CSNK2A1: variants seen among roughly 807,000 people sequenced by gnomAD.
The protein encoded by CSNK2A1 is casein kinase II subunit alpha.
A neutral mutation model predicts 62.9 loss-of-function variants in CSNK2A1; 10 were observed. The ratio of observed to expected loss-of-function variants is 0.16; its 90% CI spans 0.10 to 0.27. The LOEUF (loss-of-function observed/expected upper bound fraction) is 0.27. CSNK2A1 is among the 10% of genes least tolerant of loss of function. CSNK2A1 has a pLI of 1.00. For synonymous variants in CSNK2A1, 124 were observed against 167.8 expected (o/e 0.74, Z 2.02); for missense variants, 160 against 492.0 (o/e 0.33, Z 6.38).
intron 1 of CSNK2A1, among the ~76,000 whole-genome samples, chr20:535,482 G>A (rs534741495): frequency 3.7e-4 from 57 of 152,162 alleles, no homozygotes; most frequent in Non-Finnish European, 6.2e-4. Flanking sequence ...CTGGCCGGGC[G>A]CGGTGGCTCA....
chr20:508,367 G>C, intron 3 of CSNK2A1, 84 bp downstream of exon 3: 5 of 1,460,138 alleles, frequency 3.4e-6, no homozygotes, highest in Non-Finnish European at 4.7e-6. Context: ...CAGAGTCACG[G>C]AGGTTTTCTG....
chr20:538,036 A>G (rs1031839056), intron 1 of CSNK2A1, among the ~76,000 whole-genome samples: 1 of 147,486 alleles, frequency 6.8e-6, no homozygotes, highest in African/African-American at 2.6e-5. Flanking sequence ...ATCTTGACTC[A>G]CTGCAACCAA....
At position 499,411 on chromosome 20, in the gene CSNK2A1, C is replaced by T. The variant is rs1162732932; in HGVS notation, c.316-106G>A. ...GCGTGGTGAAATTTGGCAGTCCTCG[C>T]CTCAGTAGTAAGAAACCCTCTATTG... On this transcript the variant is annotated intron_variant, in intron 5 of 13. Coordinates refer to ENST00000217244, the MANE Select transcript of CSNK2A1 (RefSeq NM_177559.3). This position sits in a 1 kb window ranked among gnomAD's most constrained non-coding sequence, Gnocchi z 4.2. 6.9e-6 allele frequency: 7 copies of T among 1,008,690 alleles called. No individual in the cohort carries two copies. Among genetic ancestry groups the T allele is most frequent in the African/African-American group, 1.6e-5 (1 of 61,920 alleles). 62.5% of individuals were successfully genotyped at this position (1,008,690 alleles called of 1,614,324 possible). A position where few individuals can be genotyped will look rare whatever the true frequency, so the allele number is the denominator to read the frequency against.
chr20:497,705 T>C lies in CSNK2A1; in HGVS notation c.426+16A>G. ...AGACCAATTTAAAAAATATTTAGTA[T>C]TCAAGGTTCACTTACCTTCAGAATC... is the stretch of plus-strand genomic sequence containing the variant. On this transcript the variant is annotated intron_variant, in intron 7 of 13. Transcript: ENST00000217244. 6.3e-7 allele frequency: 1 copy of C among 1,592,778 alleles called. No individual in the cohort carries two copies. Among genetic ancestry groups the C allele is most frequent in the Non-Finnish European group, 8.6e-7 (1 of 1,162,566 alleles).
At chr20:490,353 G>GTTTTTTTTTTTT (rs373775413) in intron 9 of CSNK2A1, among the ~76,000 whole-genome samples, 23 of 53,492 alleles carry the variant, frequency 4.3e-4, no homozygotes, top group African/African-American at 2.1e-3. Context: ...TTTTTTTTTA[G>GTTTTTTTTTTTT]TTTTTTTTTT....
At position 543,705 on chromosome 20, in the gene CSNK2A1, T is replaced by C. The variant is rs1230839087; in HGVS notation, c.-260A>G. 5.0e-6 allele frequency: 2 copies of C among 398,256 alleles called. No individual in the cohort carries two copies. The highest frequency in any genetic ancestry group is 8.8e-6 in the Non-Finnish European group (2 of 226,044). 24.7% of individuals were successfully genotyped at this position (398,256 alleles called of 1,614,324 possible). On this transcript the variant is annotated 5_prime_UTR_variant, in exon 1 of 14. Coordinates refer to ENST00000217244, the MANE Select transcript of CSNK2A1 (RefSeq NM_177559.3). ...GAAGCGGCAGCGGCGGCGGCCGCTC[T>C]CCCCTCTGCTCACACAGACAATATG... is the stretch of plus-strand genomic sequence containing the variant.
Position 487,381 on chromosome 20 carries a change from G to T in CSNK2A1, c.973+46C>A, listed in dbSNP as rs780812853. On this transcript the variant is annotated intron_variant, in intron 12 of 13. Coordinates refer to ENST00000217244, the MANE Select transcript of CSNK2A1 (RefSeq NM_177559.3). ...CTGGGATTACGACTCTGTTCTATAG[G>T]ACTCTGCGCCTGCACAAACTCTGTG... 5 of 1,611,904 alleles carry T rather than the reference G, an allele frequency of 3.1e-6. No individual in the cohort carries two copies. In the South Asian group the frequency reaches 5.5e-5, roughly 18 times the overall value.
intron 1 of CSNK2A1, among the ~76,000 whole-genome samples, chr20:542,557 C>T (rs1306326156): frequency 6.6e-6 from 1 of 152,140 alleles, no homozygotes; most frequent in Non-Finnish European, 1.5e-5. Flanking sequence ...CTTAGCCTCC[C>T]GAGTAGCTGG....
In CSNK2A1 at chr20:478,532, A is replaced by G; in HGVS notation, c.*5429T>C. The G allele has an allele frequency of 3.7e-6, 1 of 267,244 alleles. No individual in the cohort carries two copies. Among genetic ancestry groups the G allele is most frequent in the African/African-American group, 2.4e-5 (1 of 42,368 alleles). The allele number at this position is 267,244 out of a possible 1,614,324, so 16.6% of individuals were successfully genotyped here. A position where few individuals can be genotyped will look rare whatever the true frequency, so the allele number is the denominator to read the frequency against. On this transcript the variant is annotated 3_prime_UTR_variant, in exon 14 of 14. Transcript: ENST00000217244. Reference sequence around the variant, plus strand: ...ATGCAAGAGTGAAGCTGACTCAGAAATACTCAATCCCCCCAGGAACTTCTC... The same window carrying G: ...ATGCAAGAGTGAAGCTGACTCAGAAGTACTCAATCCCCCCAGGAACTTCTC...
At chr20:514,797 A>G (rs2018795287) in intron 2 of CSNK2A1, among the ~76,000 whole-genome samples, 1 of 152,200 alleles carries the variant, frequency 6.6e-6, no homozygotes, top group Non-Finnish European at 1.5e-5. Context: ...CTGCAAATGC[A>G]TATGTATATC....
At chr20:529,324 C>G (rs59914992) in intron 1 of CSNK2A1, among the ~76,000 whole-genome samples, 1,719 of 152,242 alleles carry the variant, frequency 0.011, 33 homozygotes, top group African/African-American at 0.04. Flanking sequence ...TTGCACCCAG[C>G]CATGTTTTAA....
chr20:519,378 A>C (rs1214188929), intron 2 of CSNK2A1, among the ~76,000 whole-genome samples: 1 of 152,268 alleles, frequency 6.6e-6, no homozygotes, highest in African/African-American at 2.4e-5. Context: ...GATCAATAAA[A>C]AGAAATCCAA....
At chr20:524,603 G>T (rs1418381555) in intron 2 of CSNK2A1, among the ~76,000 whole-genome samples, 8 of 144,258 alleles carry the variant, frequency 5.5e-5, no homozygotes, top group African/African-American at 1.4e-4. Context: ...GGTGGCGGGT[G>T]CCTATAATCC....
intron 9 of CSNK2A1, 56 bp downstream of exon 9, chr20:492,197 TA>T: frequency 6.9e-7 from 1 of 1,452,518 alleles, no homozygotes; most frequent in Non-Finnish European, 9.5e-7. Context: ...TTTTTTTTGG[TA>T]AATTATGTGC....
At chr20:498,641 C>A in intron 6 of CSNK2A1, 1 of 152,214 alleles carries the variant, frequency 6.6e-6, no homozygotes, top group South Asian at 2.1e-4. Flanking sequence ...TAATATATAA[C>A]ATTCTGGATA....
chr20:502,508 T>A (rs1343027380), intron 4 of CSNK2A1: 1 of 152,200 alleles, frequency 6.6e-6, no homozygotes, highest in Admixed American at 6.5e-5. Flanking sequence ...CCGAATTTAA[T>A]GCGATCAATG....
intron 3 of CSNK2A1, chr20:506,950 G>C (rs2018616242): frequency 6.6e-6 from 1 of 152,190 alleles, no homozygotes; most frequent in South Asian, 2.1e-4. Flanking sequence ...GTGTCACCTA[G>C]AGTCCAAAGC....
chr20:495,184 C>G (rs1373958554), intron 8 of CSNK2A1: 1 of 153,124 alleles, frequency 6.5e-6, no homozygotes, highest in Non-Finnish European at 1.5e-5. Context: ...CCACAACAGG[C>G]AAGTCATCAC....
rs761935195 is a variant in CSNK2A1 at position 486,430 on chromosome 20, A to G, written c.1006T>C (p.Ser336Pro). 26 of 1,613,538 alleles carry G rather than the reference A, an allele frequency of 1.6e-5. No individual in the cohort carries two copies. The highest frequency in any genetic ancestry group is 3.3e-5 in the Admixed American group (2 of 59,926). The change falls in exon 13 of 14, where the codon TCA becomes CCA. Residue 336 changes from serine to proline, a missense_variant. Physicochemically the swap from Ser to Pro is moderately conservative, Grantham distance 74. Around this residue, in one of 3 missense-constraint regions of CSNK2A1, gnomAD observed 51 missense variants for 108.8 expected, o/e 0.47. Transcript: ENST00000217244. ...GTACTGCCCCCTGGCATGCTAGATG[A>G]ACCCATTCGAGCCTGGTCCTTCACA... ...TVVKDQARMG[S>P]SSMPGGSTPV...
Sources: allele counts gnomAD v4.1 joint callset (sites outside exome capture counted in the v4.1 genomes callset), GRCh38; gene constraint gnomAD v4.1.1; regional missense constraint gnomAD v4.1.1; non-coding constraint Gnocchi (gnomAD v3.1); transcripts MANE v1.5; gene names NCBI Gene and HGNC (gene_info 2026-07-23, HGNC 2026-07-21).